The following PDZD2 variants were observed in gnomAD, a reference collection of about 807,000 sequenced individuals.
The protein encoded by PDZD2 is PDZ domain-containing protein 2.
In PDZD2, 90 loss-of-function variants were observed where a neutral mutation model predicts 220.7. The ratio of observed to expected loss-of-function variants is 0.41; its 90% CI spans 0.34 to 0.49. PDZD2 has a LOEUF of 0.49. PDZD2 is among the 20% of genes least tolerant of loss of function. The pLI, the probability that PDZD2 is intolerant of heterozygous loss-of-function variation, is 0.28. For synonymous variants in PDZD2, 1,375 were observed against 1,450.5 expected (o/e 0.95, Z 1.18); for missense variants, 3,174 against 3,608.5 (o/e 0.88, Z 3.08).
chr5:32,108,285 TAACTG>T lies in PDZD2; in HGVS notation c.*151_*155del. ...TTGTGCTTACACATGAAGCCTGACT[TAACTG>T]TATGTGCAACAGCAATGAAATTAAC... On this transcript the variant is annotated 3_prime_UTR_variant, in exon 25 of 25. Transcript: ENST00000438447. The T allele has an allele frequency of 1.9e-6, 1 of 528,708 alleles. No homozygotes were observed. Among genetic ancestry groups the T allele is most frequent in the Non-Finnish European group, 3.3e-6 (1 of 304,758 alleles). 32.8% of individuals were successfully genotyped at this position (528,708 alleles called of 1,614,324 possible). A position where few individuals can be genotyped will look rare whatever the true frequency, so the allele number is the denominator to read the frequency against.
chr5:31,670,897 G>A (rs1249867860), intron 1 of PDZD2, among the ~76,000 whole-genome samples: 1 of 152,118 alleles, frequency 6.6e-6, no homozygotes, highest in Non-Finnish European at 1.5e-5. Flanking sequence ...GGATCGCTAA[G>A]AGTCTATGTG....
At chr5:32,009,352 AAAAATT>A (rs1332932789) in intron 5 of PDZD2, among the ~76,000 whole-genome samples, 3 of 151,918 alleles carry the variant, frequency 2.0e-5, no homozygotes, top group Non-Finnish European at 4.4e-5. Context: ...TCAAAAAAAT[AAAAATT>A]AAAATTAAAA....
intron 2 of PDZD2, among the ~76,000 whole-genome samples, chr5:31,978,067 A>C (rs1221935945): frequency 6.6e-6 from 1 of 152,228 alleles, no homozygotes; most frequent in Admixed American, 6.5e-5. Flanking sequence ...TTTGTCTTAA[A>C]GTCATCCTGC....
At chr5:31,937,923 C>T (rs1040075999) in intron 2 of PDZD2, among the ~76,000 whole-genome samples, 1 of 152,184 alleles carries the variant, frequency 6.6e-6, no homozygotes, top group Non-Finnish European at 1.5e-5. Flanking sequence ...ATCCAGACTG[C>T]CCTAGCCTGT....
intron 1 of PDZD2, among the ~76,000 whole-genome samples, chr5:31,673,025 G>A (rs1046050995): frequency 6.6e-6 from 1 of 152,196 alleles, no homozygotes; most frequent in African/African-American, 2.4e-5. Flanking sequence ...GGTTTAGTGA[G>A]AAGGTTTGAG....
At chr5:31,870,753 G>A (rs1007244013) in intron 2 of PDZD2, among the ~76,000 whole-genome samples, 2 of 152,072 alleles carry the variant, frequency 1.3e-5, no homozygotes, top group Non-Finnish European at 2.9e-5. Flanking sequence ...GCCGGGCATG[G>A]TGGTGGGCAC....
intron 2 of PDZD2, among the ~76,000 whole-genome samples, chr5:31,949,069 G>A (rs1301777626): frequency 2.3e-5 from 3 of 132,134 alleles, no homozygotes; most frequent in Non-Finnish European, 4.6e-5. Flanking sequence ...CTGCCCTTCT[G>A]CCTGGGTGAC....
chr5:31,691,924 C>G (rs2150128671), intron 1 of PDZD2, among the ~76,000 whole-genome samples: 1 of 152,384 alleles, frequency 6.6e-6, no homozygotes, highest in Admixed American at 6.5e-5. Context: ...ACGTCCCCAC[C>G]AGACTCAGGA....
intron 4 of PDZD2, among the ~76,000 whole-genome samples, chr5:31,999,280 G>GTT (rs60415381): frequency 7.8e-5 from 10 of 127,746 alleles, no homozygotes; most frequent in South Asian, 5.1e-4. Context: ...GGCGGGATTT[G>GTT]TTTTTTTTTT....
rs575457617 is a variant in PDZD2, at chr5:32,087,975, C to T, written c.4527C>T (p.Pro1509=). 89 of 1,614,136 alleles carry T rather than the reference C, an allele frequency of 5.5e-5. No homozygotes were observed. The South Asian group carries it at 6.8e-4, about 12-fold the overall frequency. ...CTTCGGTTTTAGATTCAATTAATCC[C>T]GACAAACATTTTACTGTGAACAAAA... The part of the protein sequence containing the change: ...SQPSVLDSIN[P]DKHFTVNKNF... Residue 1509 remains proline (P), a synonymous_variant, in exon 20 of 25, where the codon CCC becomes CCT. Transcript: ENST00000438447. This position sits in a 1 kb window ranked among gnomAD's most constrained non-coding sequence, Gnocchi z 4.0.
Position 31,833,058 on chromosome 5 carries a change from T to C in PDZD2, c.476+33334T>C, listed in dbSNP as rs1004247505. ...TAGCACAGTCGGTAGCCACTGTCTG[T>C]GCCTGGTTGATTAATAAGAAAGTAC... is the stretch of plus-strand genomic sequence containing the variant. On this transcript the variant is annotated intron_variant, in intron 2 of 24. Transcript: ENST00000438447. Among the ~76,000 whole-genome samples, 4 of 152,282 alleles carry C rather than the reference T, an allele frequency of 2.6e-5. 1 individual carries two copies. In the South Asian group the frequency reaches 8.3e-4, roughly 32 times the overall value.
chr5:31,717,921 A>G (rs1280805845), intron 1 of PDZD2, among the ~76,000 whole-genome samples: 1 of 152,118 alleles, frequency 6.6e-6, no homozygotes, highest in Non-Finnish European at 1.5e-5. Context: ...CCCAGGGACA[A>G]ATTTGTGGTA....
At chr5:31,954,123 TAAAAAA>T in intron 2 of PDZD2, among the ~76,000 whole-genome samples, 1 of 145,952 alleles carries the variant, frequency 6.9e-6, no homozygotes, top group East Asian at 2.0e-4. Flanking sequence ...CCCTGTCTCT[TAAAAAA>T]AAAAAGTGAC....
chr5:31,811,718 G>C (rs531031612), intron 2 of PDZD2, among the ~76,000 whole-genome samples: 1 of 152,120 alleles, frequency 6.6e-6, no homozygotes, highest in East Asian at 1.9e-4. Flanking sequence ...AGCCAGGCAG[G>C]GTGGCTCATG....
At chr5:31,654,421 C>A (rs563782863) in intron 1 of PDZD2, among the ~76,000 whole-genome samples, 37 of 152,252 alleles carry the variant, frequency 2.4e-4, no homozygotes, top group Middle Eastern at 3.4e-3. Context: ...AATGGTTGCA[C>A]TTCCTGTCTT....
intron 6 of PDZD2, among the ~76,000 whole-genome samples, chr5:32,021,225 C>T (rs1370312353): frequency 6.6e-6 from 1 of 151,802 alleles, no homozygotes; most frequent in African/African-American, 2.4e-5. Context: ...AACTCCTCAC[C>T]CCACCCCCTA....
intron 17 of PDZD2, among the ~76,000 whole-genome samples, chr5:32,073,447 G>A (rs1740943829): frequency 6.6e-6 from 1 of 152,176 alleles, no homozygotes; most frequent in South Asian, 2.1e-4. Flanking sequence ...TGTGGGACAT[G>A]TCATCAGTCC....
chr5:32,011,765 G>A (rs1753340427), intron 6 of PDZD2, among the ~76,000 whole-genome samples: 1 of 152,060 alleles, frequency 6.6e-6, no homozygotes, highest in Non-Finnish European at 1.5e-5. Flanking sequence ...ACCACAGTAA[G>A]CTATATTTAA....
chr5:31,963,671 C>T (rs539333562), intron 2 of PDZD2, among the ~76,000 whole-genome samples: 4 of 152,294 alleles, frequency 2.6e-5, no homozygotes, highest in East Asian at 1.9e-4. Context: ...GGCCAGAAGG[C>T]GTTCTGTTTT....
Sources: gnomAD v4.1 joint callset for allele counts (sites outside exome capture counted in the v4.1 genomes callset) on GRCh38, gnomAD v4.1.1 for gene constraint, Gnocchi (gnomAD v3.1) non-coding constraint, MANE v1.5 for transcripts, NCBI Gene and HGNC (gene_info 2026-07-23, HGNC 2026-07-21) for gene names.